The following HS6ST3 variants were observed in gnomAD, a reference collection of about 807,000 sequenced individuals.
HS6ST3 encodes heparan sulfate 6-O-sulfotransferase 3.
HS6ST3 carries 12 observed loss-of-function variants against 36.7 expected under a neutral mutation model. The observed-to-expected ratio is 0.33, with a 90% CI of 0.21 to 0.53. The LOEUF is 0.53. HS6ST3 is among the 20% of genes least tolerant of loss of function. HS6ST3 has a pLI of 0.95. For missense variants in HS6ST3, 584 were observed against 640.9 expected (o/e 0.91, Z 0.96); for synonymous variants, 240 against 257.5 (o/e 0.93, Z 0.65).
chr13:96,491,091 C>A (rs974433498), intron 1 of HS6ST3, among the ~76,000 whole-genome samples: 4 of 152,150 alleles, frequency 2.6e-5, no homozygotes, highest in African/African-American at 9.7e-5. Flanking sequence ...ACATGATTTG[C>A]CTTCTTGAAC....
At chr13:96,636,533 G>T (rs1269270254) in intron 1 of HS6ST3, among the ~76,000 whole-genome samples, 1 of 152,118 alleles carries the variant, frequency 6.6e-6, no homozygotes. Flanking sequence ...CAAATCAACT[G>T]ATTTCTCATC....
chr13:96,191,742 C>CA (rs1293689139), intron 1 of HS6ST3, among the ~76,000 whole-genome samples: 1 of 152,216 alleles, frequency 6.6e-6, no homozygotes, highest in East Asian at 1.9e-4. Context: ...AAATTTTTGT[C>CA]AATCAAATGA....
At chr13:96,213,084 G>C (rs1212062235) in intron 1 of HS6ST3, among the ~76,000 whole-genome samples, 1 of 152,158 alleles carries the variant, frequency 6.6e-6, no homozygotes, top group Non-Finnish European at 1.5e-5. Context: ...TTAGGTCAAG[G>C]GATTTTTATG....
At chr13:96,185,126 C>T (rs1169784267) in intron 1 of HS6ST3, among the ~76,000 whole-genome samples, 2 of 152,108 alleles carry the variant, frequency 1.3e-5, no homozygotes, top group African/African-American at 4.8e-5. Context: ...CTTAGTAACT[C>T]ATAATAAAAA....
At chr13:96,707,118 T>G (rs893563383) in intron 1 of HS6ST3, among the ~76,000 whole-genome samples, 19 of 152,182 alleles carry the variant, frequency 1.2e-4, no homozygotes, top group African/African-American at 4.6e-4. Context: ...CTCCCAGAAC[T>G]CATATGTTTA....
intron 1 of HS6ST3, among the ~76,000 whole-genome samples, chr13:96,207,204 AG>A (rs2054374999): frequency 6.6e-6 from 1 of 152,194 alleles, no homozygotes; most frequent in Admixed American, 6.5e-5. Flanking sequence ...TACGAAAAAA[AG>A]CTCCATATCA....
At position 96,356,086 on chromosome 13, in the gene HS6ST3, G is replaced by A. The variant is rs2055208684; in HGVS notation, c.707+264517G>A. On this transcript the variant is annotated intron_variant, in intron 1 of 1. Coordinates refer to ENST00000376705, the MANE Select transcript of HS6ST3 (RefSeq NM_153456.4). ...CACATATTCAGGCTCATATTCAAGA[G>A]AACTCATTTCATATGATATGATATG... 3.3e-5 allele frequency among the ~76,000 whole-genome samples: 5 copies of A among 152,040 alleles called. No homozygotes were observed. In the South Asian group the frequency reaches 1.0e-3, roughly 32 times the overall value.
At chr13:96,203,598 G>T (rs1350189803) in intron 1 of HS6ST3, among the ~76,000 whole-genome samples, 1 of 152,122 alleles carries the variant, frequency 6.6e-6, no homozygotes, top group African/African-American at 2.4e-5. Context: ...AACATTTCCA[G>T]TTTAGAGCCT....
chr13:96,096,477 T>G (rs1251060267), intron 1 of HS6ST3, among the ~76,000 whole-genome samples: 1 of 152,102 alleles, frequency 6.6e-6, no homozygotes, highest in Non-Finnish European at 1.5e-5. Flanking sequence ...GTAAGCTGAG[T>G]GTGGGGTATC....
chr13:96,829,397 G>A (rs939043522), intron 1 of HS6ST3, among the ~76,000 whole-genome samples: 5 of 151,594 alleles, frequency 3.3e-5, no homozygotes, highest in African/African-American at 9.7e-5. Context: ...TTGTATCATG[G>A]GTGTTTGTTG....
chr13:96,323,703 C>G (rs997448481), intron 1 of HS6ST3, among the ~76,000 whole-genome samples: 1 of 152,178 alleles, frequency 6.6e-6, no homozygotes, highest in Admixed American at 6.5e-5. Flanking sequence ...ACTGAAGAAC[C>G]TATTTAAAGT....
intron 1 of HS6ST3, among the ~76,000 whole-genome samples, chr13:96,822,162 T>G (rs1417503179): frequency 6.6e-6 from 1 of 152,218 alleles, no homozygotes; most frequent in African/African-American, 2.4e-5. Context: ...CGGCTGGGAT[T>G]AGAGCTGCCA....
At chr13:96,474,152 A>AC (rs2055852120) in intron 1 of HS6ST3, among the ~76,000 whole-genome samples, 1 of 151,938 alleles carries the variant, frequency 6.6e-6, no homozygotes, top group African/African-American at 2.4e-5. Flanking sequence ...CATTTTATGT[A>AC]CCCCCCTCCT....
chr13:96,678,676 T>C (rs113228856), intron 1 of HS6ST3, among the ~76,000 whole-genome samples: 8 of 151,704 alleles, frequency 5.3e-5, no homozygotes, highest in Non-Finnish European at 7.4e-5. Context: ...AGTGAGACTC[T>C]ATCTAAAAAA....
intron 1 of HS6ST3, among the ~76,000 whole-genome samples, chr13:96,648,174 C>T (rs1412893447): frequency 1.8e-4 from 27 of 152,002 alleles, no homozygotes; most frequent in Admixed American, 1.8e-3. Context: ...ATTACAGTCC[C>T]CTCCCCTGGA....
intron 1 of HS6ST3, among the ~76,000 whole-genome samples, chr13:96,710,650 C>A (rs1478875291): frequency 6.6e-6 from 1 of 152,264 alleles, no homozygotes; most frequent in African/African-American, 2.4e-5. Context: ...TCCCCCAGTG[C>A]ACAGGCCTGG....
chr13:96,763,778 C>T (rs2138501878), intron 1 of HS6ST3, among the ~76,000 whole-genome samples: 1 of 151,892 alleles, frequency 6.6e-6, no homozygotes, highest in Middle Eastern at 3.4e-3. Flanking sequence ...AAGAAGATTG[C>T]TGAATATATA....
At chr13:96,815,687 T>C (rs1056309479) in intron 1 of HS6ST3, among the ~76,000 whole-genome samples, 2 of 152,056 alleles carry the variant, frequency 1.3e-5, no homozygotes, top group Non-Finnish European at 2.9e-5. Context: ...CCAGATGCAC[T>C]ACGAAAGGGG....
intron 1 of HS6ST3, among the ~76,000 whole-genome samples, chr13:96,233,118 A>T (rs1566296100): frequency 6.6e-6 from 1 of 152,220 alleles, no homozygotes; most frequent in Non-Finnish European, 1.5e-5. Context: ...TGTAAATAAT[A>T]TGTTTTTCTC....
Sources: allele counts gnomAD v4.1 joint callset (sites outside exome capture counted in the v4.1 genomes callset), GRCh38; gene constraint gnomAD v4.1.1; transcripts MANE v1.5; gene names NCBI Gene and HGNC (gene_info 2026-07-23, HGNC 2026-07-21).